The following SLC35F4 variants were observed in gnomAD, a reference collection of about 807,000 sequenced individuals.
SLC35F4 encodes the protein chromosome 14 open reading frame 36.
A neutral mutation model predicts 44.2 loss-of-function variants in SLC35F4; 24 were observed. The observed-to-expected ratio is 0.54, with a 90% confidence interval of 0.39 to 0.76. The LOEUF (loss-of-function observed/expected upper bound fraction) is 0.76. Among genes scored for constraint, SLC35F4 ranks in the 30% least tolerant of loss-of-function variants. The pLI is 0.00. For missense variants in SLC35F4, 562 were observed against 586.1 expected (o/e 0.96, Z 0.42); for synonymous variants, 238 against 223.6 (o/e 1.06, Z -0.57).
rs534850300 is a variant in SLC35F4, at chr14:57,717,623, G to A, written c.104-123499C>T. ...TGCACTCCAGCCTGGGCGACAGAGCGAGACTCCGTCTCAAAAAAAGAGTTT... is the reference window on the plus strand; with the variant it reads ...TGCACTCCAGCCTGGGCGACAGAGCAAGACTCCGTCTCAAAAAAAGAGTTT... On this transcript the variant is annotated intron_variant, in intron 1 of 7. Transcript: ENST00000556826. Among the ~76,000 whole-genome samples, 321 of 152,314 alleles carry A rather than the reference G, an allele frequency of 2.1e-3. 2 individuals carry two copies. The highest frequency in any genetic ancestry group is 7.0e-3 in the African/African-American group (292 of 41,564).
chr14:57,604,492 G>C (rs1784486526), intron 1 of SLC35F4, among the ~76,000 whole-genome samples: 1 of 152,178 alleles, frequency 6.6e-6, no homozygotes, highest in South Asian at 2.1e-4. Context: ...CATGCTCATG[G>C]ATTGGAAGAA....
chr14:57,628,004 C>G (rs1282320280), intron 1 of SLC35F4, among the ~76,000 whole-genome samples: 2 of 152,040 alleles, frequency 1.3e-5, no homozygotes, highest in African/African-American at 2.4e-5. Context: ...GAAAAACATA[C>G]ATTTTATTCA....
intron 1 of SLC35F4, among the ~76,000 whole-genome samples, chr14:57,887,982 T>C (rs1595269375): frequency 6.6e-6 from 1 of 152,288 alleles, no homozygotes; most frequent in East Asian, 1.9e-4. Flanking sequence ...GACATGCTGA[T>C]GGTGCAGATT....
intron 1 of SLC35F4, among the ~76,000 whole-genome samples, chr14:57,885,953 G>A (rs766036318): frequency 2.0e-4 from 30 of 152,274 alleles, no homozygotes; most frequent in Middle Eastern, 3.4e-3. Context: ...CCACTAGGGT[G>A]TAAGGACTTT....
In SLC35F4 at chr14:57,719,673, C is replaced by A. The variant is rs2076034885; in HGVS notation, c.104-125549G>T. On this transcript the variant is annotated intron_variant, in intron 1 of 7. Transcript: ENST00000556826. ...TGTATGTTAACTTTGTATCATGCAA[C>A]TTTACTGAATTTATTGATCAGTTCT... Among the ~76,000 whole-genome samples, 4 of 151,748 alleles carry A rather than the reference C, an allele frequency of 2.6e-5. No individual in the cohort carries two copies. The South Asian group carries it at 8.3e-4, about 32-fold the overall frequency.
chr14:57,658,706 T>C (rs1035561863), intron 1 of SLC35F4, among the ~76,000 whole-genome samples: 1 of 152,200 alleles, frequency 6.6e-6, no homozygotes, highest in Admixed American at 6.5e-5. Flanking sequence ...GGAGAAATGC[T>C]GAAAATCATG....
chr14:57,810,610 G>A (rs542676618), intron 1 of SLC35F4, among the ~76,000 whole-genome samples: 20 of 152,294 alleles, frequency 1.3e-4, no homozygotes, highest in African/African-American at 4.6e-4. Flanking sequence ...CTGCAACAAA[G>A]TCTGTAGTAC....
intron 1 of SLC35F4, among the ~76,000 whole-genome samples, chr14:57,917,188 G>A (rs1473327608): frequency 6.6e-6 from 1 of 152,070 alleles, no homozygotes; most frequent in Non-Finnish European, 1.5e-5. Flanking sequence ...AGCCTCCCGA[G>A]TAGCTGGGAT....
intron 1 of SLC35F4, among the ~76,000 whole-genome samples, chr14:57,765,427 A>G (rs1954924283): frequency 6.6e-6 from 1 of 152,258 alleles, no homozygotes; most frequent in Non-Finnish European, 1.5e-5. Flanking sequence ...TTGGCCACAA[A>G]GCCCATTCTG....
At chr14:57,850,841 C>A (rs769888165) in intron 1 of SLC35F4, among the ~76,000 whole-genome samples, 2 of 152,166 alleles carry the variant, frequency 1.3e-5, no homozygotes, top group Non-Finnish European at 2.9e-5. Context: ...ATTCATCATT[C>A]TTTTCTTGTA....
At chr14:57,799,823 C>G (rs1249147516) in intron 1 of SLC35F4, among the ~76,000 whole-genome samples, 1 of 152,216 alleles carries the variant, frequency 6.6e-6, no homozygotes, top group Non-Finnish European at 1.5e-5. Context: ...GCTTCAGCCA[C>G]TCCAGCAAAA....
intron 1 of SLC35F4, among the ~76,000 whole-genome samples, chr14:57,692,508 A>T (rs2075265141): frequency 1.3e-5 from 2 of 152,114 alleles, no homozygotes; most frequent in Non-Finnish European, 2.9e-5. Context: ...TTCACCACTT[A>T]ATCTGACGAA....
chr14:57,976,949 C>T (rs1272393863), exon 2 of SLC35F4: 1 of 152,080 alleles, frequency 6.6e-6, no homozygotes, highest in African/African-American at 2.4e-5. Flanking sequence ...ACATCAATAC[C>T]AATTACACCT....
intron 1 of SLC35F4, among the ~76,000 whole-genome samples, chr14:57,712,475 C>T (rs925611258): frequency 3.3e-5 from 5 of 152,154 alleles, no homozygotes; most frequent in African/African-American, 9.7e-5. Context: ...TGGCTACTAG[C>T]TCAAGTTATT....
intron 1 of SLC35F4, among the ~76,000 whole-genome samples, chr14:57,893,996 C>G (rs1039835906): frequency 6.6e-6 from 1 of 152,114 alleles, no homozygotes; most frequent in African/African-American, 2.4e-5. Flanking sequence ...CTTATACCTA[C>G]AACCTGAAGT....
At chr14:57,758,000 C>CGTGT (rs1566827766) in intron 1 of SLC35F4, among the ~76,000 whole-genome samples, 16 of 95,950 alleles carry the variant, frequency 1.7e-4, no homozygotes, top group African/African-American at 2.3e-4. Context: ...ATTATAGGTT[C>CGTGT]ATGTGTGTGT....
At chr14:57,901,392 C>T (rs935168366) in intron 1 of SLC35F4, among the ~76,000 whole-genome samples, 1 of 152,172 alleles carries the variant, frequency 6.6e-6, no homozygotes, top group Admixed American at 6.5e-5. Flanking sequence ...GAGCTGGAAG[C>T]CGTTATTGCC....
At chr14:57,622,992 G>A (rs1179490666) in intron 1 of SLC35F4, among the ~76,000 whole-genome samples, 3 of 152,036 alleles carry the variant, frequency 2.0e-5, no homozygotes, top group Non-Finnish European at 4.4e-5. Context: ...TGGACTGAGT[G>A]CCCCAGTTAA....
intron 1 of SLC35F4, among the ~76,000 whole-genome samples, chr14:57,642,622 A>AT (rs1281042968): frequency 5.9e-5 from 9 of 151,930 alleles, no homozygotes; most frequent in Admixed American, 5.9e-4. Flanking sequence ...TTCAATGTTG[A>AT]TATTTTTTTC....
Sources: allele counts gnomAD v4.1 joint callset (sites outside exome capture counted in the v4.1 genomes callset), GRCh38; gene constraint gnomAD v4.1.1; transcripts MANE v1.5; gene names NCBI Gene and HGNC (gene_info 2026-07-23, HGNC 2026-07-21).